Variants in IQCM observed in about 807,000 individuals in gnomAD.
IQCM encodes IQ motif containing M.
Under a neutral mutation model 57.6 loss-of-function variants are expected in IQCM, and 45 were observed. The observed-to-expected ratio is 0.78, with a 90% confidence interval of 0.62 to 1.00. The LOEUF is 1.00. Among genes scored for constraint, IQCM ranks in the 50% least tolerant of loss-of-function variants. The pLI is 0.00. For synonymous variants in IQCM, 148 were observed against 158.9 expected, an observed-to-expected ratio of 0.93 and a Z score of 0.51; for missense variants, 468 against 511.6, an observed-to-expected ratio of 0.91 and a Z score of 0.82.
intron 7 of IQCM, among the ~76,000 whole-genome samples, chr4:149,660,001 A>G (rs1183499305): frequency 3.3e-5 from 5 of 151,138 alleles, no homozygotes; most frequent in Non-Finnish European, 5.9e-5. Flanking sequence ...TAAACTAAAG[A>G]GCTTCTGCAC....
intron 12 of IQCM, among the ~76,000 whole-genome samples, chr4:149,496,652 C>T (rs959932651): frequency 1.3e-5 from 2 of 152,088 alleles, no homozygotes; most frequent in African/African-American, 4.8e-5. Flanking sequence ...AGGAATGCAG[C>T]CTGTTGATGC....
intron 2 of IQCM, among the ~76,000 whole-genome samples, chr4:149,756,578 G>GA (rs901270555): frequency 1.3e-5 from 2 of 151,846 alleles, no homozygotes; most frequent in Non-Finnish European, 2.9e-5. Context: ...TGGAACACAA[G>GA]AAAAAACAAG....
intron 12 of IQCM, among the ~76,000 whole-genome samples, chr4:149,500,996 A>C (rs1051292174): frequency 6.6e-6 from 1 of 152,178 alleles, no homozygotes; most frequent in African/African-American, 2.4e-5. Context: ...GAAAGAAGAC[A>C]CAGAAGTCAT....
chr4:149,763,988 T>TA (rs1295528228), intron 2 of IQCM, among the ~76,000 whole-genome samples: 2 of 151,690 alleles, frequency 1.3e-5, no homozygotes, highest in East Asian at 1.9e-4. Context: ...ACAAAATAAA[T>TA]AAAAAATAAA....
chr4:149,703,885 C>T (rs539475616), intron 5 of IQCM, among the ~76,000 whole-genome samples: 3 of 151,932 alleles, frequency 2.0e-5, no homozygotes, highest in African/African-American at 2.4e-5. Context: ...AAGGTTCTAA[C>T]GTTCTCTAGA....
At chr4:149,468,967 T>C (rs993452626) in intron 12 of IQCM, among the ~76,000 whole-genome samples, 2 of 151,968 alleles carry the variant, frequency 1.3e-5, no homozygotes, top group Admixed American at 6.5e-5. Flanking sequence ...CCAAAACCCA[T>C]CTGTACGTCA....
intron 2 of IQCM, among the ~76,000 whole-genome samples, chr4:149,796,864 G>A (rs1004377129): frequency 6.6e-6 from 1 of 152,196 alleles, no homozygotes; most frequent in African/African-American, 2.4e-5. Context: ...CTGGACTTGG[G>A]GTTCCCCTAA....
At chr4:149,551,306 A>G (rs1749005988) in intron 11 of IQCM, among the ~76,000 whole-genome samples, 1 of 152,190 alleles carries the variant, frequency 6.6e-6, no homozygotes, top group African/African-American at 2.4e-5. Flanking sequence ...CTTTTACTGA[A>G]AAAGCTTCTC....
chr4:149,404,898 C>T (rs1368803150), intron 13 of IQCM, among the ~76,000 whole-genome samples: 1 of 151,972 alleles, frequency 6.6e-6, no homozygotes, highest in African/African-American at 2.4e-5. Flanking sequence ...ATATATTTAA[C>T]AGACACAGAC....
chr4:149,565,147 C>G (rs1348976419), intron 9 of IQCM, among the ~76,000 whole-genome samples: 1 of 152,100 alleles, frequency 6.6e-6, no homozygotes, highest in Non-Finnish European at 1.5e-5. Context: ...TCAATTCATT[C>G]ACCAGGGCTG....
chr4:149,508,260 A>G (rs773180867), intron 12 of IQCM, among the ~76,000 whole-genome samples: 4 of 151,930 alleles, frequency 2.6e-5, no homozygotes, highest in Non-Finnish European at 5.9e-5. Flanking sequence ...AGAGAAGCTG[A>G]GAGAAGAGGG....
At chr4:149,481,701 G>GTTTTTTTTTTTTTTTTTTTGTTT (rs1740841793) in intron 12 of IQCM, among the ~76,000 whole-genome samples, 7 of 51,580 alleles carry the variant, frequency 1.4e-4, no homozygotes, top group East Asian at 5.3e-4. Flanking sequence ...TTCCAGTTTT[G>GTTTTTTTTTTTTTTTTTTTGTTT]TTTTTTTTTT....
intron 12 of IQCM, among the ~76,000 whole-genome samples, chr4:149,492,596 C>T (rs527971898): frequency 6.6e-6 from 1 of 152,058 alleles, no homozygotes; most frequent in South Asian, 2.1e-4. Flanking sequence ...GCCATAAGGC[C>T]CATTCGAACA....
intron 2 of IQCM, among the ~76,000 whole-genome samples, chr4:149,788,343 A>G (rs1288871026): frequency 6.6e-6 from 1 of 152,212 alleles, no homozygotes; most frequent in East Asian, 1.9e-4. Context: ...CAAAAAACAA[A>G]AAACAAAAAC....
At chr4:149,686,932 C>A (rs1762582891) in intron 5 of IQCM, among the ~76,000 whole-genome samples, 1 of 151,440 alleles carries the variant, frequency 6.6e-6, no homozygotes, top group East Asian at 1.9e-4. Flanking sequence ...TAGAGTAAGA[C>A]TAAAGTTCAC....
intron 4 of IQCM, among the ~76,000 whole-genome samples, chr4:149,734,213 G>A (rs1766723946): frequency 6.6e-6 from 1 of 152,074 alleles, no homozygotes; most frequent in Admixed American, 6.6e-5. Flanking sequence ...AATTGTTGCT[G>A]ACTCAAAAGG....
intron 2 of IQCM, among the ~76,000 whole-genome samples, chr4:149,764,441 A>G (rs982761012): frequency 3.3e-5 from 5 of 152,132 alleles, no homozygotes; most frequent in African/African-American, 1.2e-4. Flanking sequence ...ATAATGAGAC[A>G]ACTTTTGTCG....
intron 10 of IQCM, among the ~76,000 whole-genome samples, chr4:149,556,408 A>T (rs1749586000): frequency 6.6e-6 from 1 of 151,934 alleles, no homozygotes; most frequent in Admixed American, 6.6e-5. Context: ...AGTTTGTAAG[A>T]GATTTTTATA....
intron 12 of IQCM, among the ~76,000 whole-genome samples, chr4:149,465,331 T>C (rs1315765786): frequency 2.6e-5 from 4 of 152,186 alleles, no homozygotes; most frequent in Admixed American, 2.6e-4. Flanking sequence ...AAGCTACACA[T>C]AGGCCCTTGT....
Sources: allele counts gnomAD v4.1 joint callset (sites outside exome capture counted in the v4.1 genomes callset), GRCh38; gene constraint gnomAD v4.1.1; transcripts MANE v1.5; gene names NCBI Gene and HGNC (gene_info 2026-07-23, HGNC 2026-07-21).